MRPS33: variants seen among roughly 807,000 people sequenced by gnomAD.
MRPS33 encodes small ribosomal subunit protein mS33.
Under a neutral mutation model 11.2 loss-of-function variants are expected in MRPS33, and 11 were observed. The observed-to-expected ratio is 0.99, with a 90% CI of 0.62 to 1.63. The LOEUF is 1.63. MRPS33 is among the 40% of genes most tolerant of loss of function. MRPS33 has a pLI of 0.00. For missense variants in MRPS33, 109 were observed against 127.8 expected (o/e 0.85, Z 0.71); for synonymous variants, 46 against 44.0 (o/e 1.05, Z -0.18).
chr7:141,006,368 A>G lies in MRPS33; in HGVS notation c.*62T>C. On this transcript the variant is annotated 3_prime_UTR_variant, in exon 3 of 3. Transcript: ENST00000324787. ...ACATTCCTCCAATAGGTGGAAAGAC[A>G]ATAAATGCACTTTCTTCTCTCCGCC... The G allele has an allele frequency of 1.4e-6, 2 of 1,394,284 alleles. No individual in the cohort carries two copies. Among genetic ancestry groups the G allele is most frequent in the Non-Finnish European group, 2.0e-6 (2 of 992,222 alleles). 86.4% of individuals were successfully genotyped at this position (1,394,284 alleles called of 1,614,324 possible). A position where few individuals can be genotyped will look rare whatever the true frequency, so the allele number is the denominator to read the frequency against.
At chr7:141,010,860 T>C (rs1437029735) in intron 1 of MRPS33, among the ~76,000 whole-genome samples, 200 bp from the exon 2 acceptor site, 1 of 152,240 alleles carries the variant, frequency 6.6e-6, no homozygotes, top group African/African-American at 2.4e-5. Context: ...TTTTTGCACT[T>C]CGTGTTTACA....
At chr7:141,008,243 T>C (rs1416768182) in intron 2 of MRPS33, among the ~76,000 whole-genome samples, 1 of 152,196 alleles carries the variant, frequency 6.6e-6, no homozygotes, top group Non-Finnish European at 1.5e-5. Context: ...CAAAGATAGT[T>C]AAGTCTTTAT....
chr7:141,008,193 T>A (rs2129164544), intron 2 of MRPS33, among the ~76,000 whole-genome samples: 1 of 152,194 alleles, frequency 6.6e-6, no homozygotes, highest in Non-Finnish European at 1.5e-5. Context: ...TACGTGAAAA[T>A]AATCTTGTTT....
At chr7:141,011,719 T>C (rs1470511462) in intron 1 of MRPS33, among the ~76,000 whole-genome samples, 1 of 152,026 alleles carries the variant, frequency 6.6e-6, no homozygotes, top group Admixed American at 6.6e-5. Flanking sequence ...AGGCATAAAC[T>C]TTGAAAAACC....
Position 141,004,160 on chromosome 7 carries a change from C to T in MRPS33, c.*2270G>A, listed in dbSNP as rs38729. 131,682 of 152,166 alleles carry T rather than the reference C, an allele frequency of 0.87. 57,071 individuals are homozygous for T. The highest frequency in any genetic ancestry group is 0.99 in the East Asian group (5,138 of 5,168). The allele number at this position is 152,166 out of a possible 1,614,324, so 9.4% of individuals were successfully genotyped here. A position where few individuals can be genotyped will look rare whatever the true frequency, so the allele number is the denominator to read the frequency against. Reference sequence around the variant, plus strand: ...CTAAAAATACAAAATATTAGCCGGGCGTGGTGGTGGGCGCCTGTAGTCCCA... The same window carrying T: ...CTAAAAATACAAAATATTAGCCGGGTGTGGTGGTGGGCGCCTGTAGTCCCA... On this transcript the variant is annotated 3_prime_UTR_variant, in exon 3 of 3. Transcript: ENST00000324787.
At chr7:141,014,487 C>G (rs1228814755) in intron 1 of MRPS33, 1 of 152,228 alleles carries the variant, frequency 6.6e-6, no homozygotes, top group African/African-American at 2.4e-5. Context: ...GTAGTATTGT[C>G]AAGTCAACCG....
At chr7:141,012,981 C>T (rs572631236) in intron 1 of MRPS33, among the ~76,000 whole-genome samples, 10 of 151,470 alleles carry the variant, frequency 6.6e-5, no homozygotes, top group Admixed American at 2.6e-4. Context: ...CAAAAAAGAA[C>T]GAGCCCAGAT....
chr7:141,011,357 C>T (rs1316486224), intron 1 of MRPS33, among the ~76,000 whole-genome samples: 1 of 152,194 alleles, frequency 6.6e-6, no homozygotes, highest in Non-Finnish European at 1.5e-5. Context: ...TATCCTCCAT[C>T]TTATATATTC....
chr7:141,009,289 G>A (rs555069257), intron 2 of MRPS33, among the ~76,000 whole-genome samples: 243 of 145,918 alleles, frequency 1.7e-3, no homozygotes, highest in African/African-American at 5.5e-3. Context: ...GTGCCACCAC[G>A]CCCAGCTAAT....
At position 141,005,550 on chromosome 7, in the gene MRPS33, C is replaced by A. The variant is rs1203250857; in HGVS notation, c.*880G>T. 2.0e-5 allele frequency: 3 copies of A among 152,146 alleles called. No homozygotes were observed. Among genetic ancestry groups the A allele is most frequent in the Non-Finnish European group, 4.4e-5 (3 of 68,074 alleles). 9.4% of individuals were successfully genotyped at this position (152,146 alleles called of 1,614,324 possible). On this transcript the variant is annotated 3_prime_UTR_variant, in exon 3 of 3. Transcript: ENST00000324787. ...TGCATTTTTAGTAGGTGGGGTTTCACCATGTTGGCCAAAATGGTCTCGATC... is the reference window on the plus strand; with the variant it reads ...TGCATTTTTAGTAGGTGGGGTTTCAACATGTTGGCCAAAATGGTCTCGATC...
chr7:141,014,302 A>C (rs573722791), intron 1 of MRPS33: 1 of 152,318 alleles, frequency 6.6e-6, no homozygotes, highest in African/African-American at 2.4e-5. Context: ...AAACAATCTA[A>C]ACATAAAAAC....
Position 141,010,588 on chromosome 7 carries a change from C to T in MRPS33, c.46G>A (p.Ala16Thr), listed in dbSNP as rs748174580. The T allele has an allele frequency of 2.5e-6, 4 of 1,614,174 alleles. No individual in the cohort carries two copies. The East Asian group carries it at 6.7e-5, about 27-fold the overall frequency. ...CTGGTGACTTCACCAAATAGCCGGG[C>T]ACTGAGACGAGACATGCGGAAGGCA... ...EYAFRMSRLS[A>T]RLFGEVTRPT... Residue 16 changes from alanine to threonine, a missense_variant, in exon 2 of 3, where the codon GCC (alanine) becomes ACC (threonine). Coordinates refer to ENST00000324787, the MANE Select transcript of MRPS33 (RefSeq NM_053035.3).
chr7:141,006,614 C>T, intron 2 of MRPS33, 79 bp from the exon 3 acceptor site: 1 of 1,145,712 alleles, frequency 8.7e-7, no homozygotes, highest in South Asian at 1.3e-5. Context: ...GCACTGCTCT[C>T]TTAGGTCATT....
chr7:141,010,712 T>C (rs1820657017), intron 1 of MRPS33, 52 bp from the exon 2 acceptor site: 2 of 1,337,794 alleles, frequency 1.5e-6, no homozygotes, highest in African/African-American at 2.9e-5. Flanking sequence ...AATTCCAAGA[T>C]TAGCTAATGA....
intron 2 of MRPS33, among the ~76,000 whole-genome samples, chr7:141,007,689 G>A (rs1820567355): frequency 6.6e-6 from 1 of 152,016 alleles, no homozygotes; most frequent in African/African-American, 2.4e-5. Context: ...TTGCCCCTCT[G>A]CCTTGCAAAC....
Position 141,004,154 on chromosome 7 carries a change from G to A in MRPS33, c.*2276C>T, listed in dbSNP as rs915121572. 6 of 152,226 alleles carry A rather than the reference G, an allele frequency of 3.9e-5. No homozygotes were observed. The highest frequency in any genetic ancestry group is 1.3e-4 in the Admixed American group (2 of 15,278). 9.4% of individuals were successfully genotyped at this position (152,226 alleles called of 1,614,324 possible). ...TCTCTACTAAAAATACAAAATATTA[G>A]CCGGGCGTGGTGGTGGGCGCCTGTA... On this transcript the variant is annotated 3_prime_UTR_variant, in exon 3 of 3. Transcript: ENST00000324787.
At chr7:141,012,033 G>A (rs920936409) in intron 1 of MRPS33, among the ~76,000 whole-genome samples, 16 of 151,542 alleles carry the variant, frequency 1.1e-4, no homozygotes, top group Admixed American at 9.9e-4. Flanking sequence ...AGTCTGCTAT[G>A]GTAGTGCACA....
intron 1 of MRPS33, among the ~76,000 whole-genome samples, chr7:141,013,130 G>T (rs1820719780): frequency 6.6e-6 from 1 of 151,926 alleles, no homozygotes; most frequent in South Asian, 2.1e-4. Context: ...TGCCTCCCTG[G>T]AATGATGACC....
chr7:141,010,585 G>C lies in MRPS33; in HGVS notation c.49C>G (p.Arg17Gly). The change falls in exon 2 of 3, where the codon CGG (arginine) becomes GGG (glycine). Residue 17 changes from arginine to glycine, a missense_variant. Physicochemically the swap from Arg to Gly is moderately radical, Grantham distance 125. Coordinates refer to ENST00000324787, the MANE Select transcript of MRPS33 (RefSeq NM_053035.3). ...YAFRMSRLSA[R>G]LFGEVTRPTN... ...GGCCTGGTGACTTCACCAAATAGCC[G>C]GGCACTGAGACGAGACATGCGGAAG... 1.2e-6 allele frequency: 2 copies of C among 1,614,182 alleles called. No homozygotes were observed. The highest frequency in any genetic ancestry group is 1.7e-6 in the Non-Finnish European group (2 of 1,180,038).
Sources: allele counts gnomAD v4.1 joint callset (sites outside exome capture counted in the v4.1 genomes callset), GRCh38; gene constraint gnomAD v4.1.1; transcripts MANE v1.5; gene names NCBI Gene and HGNC (gene_info 2026-07-23, HGNC 2026-07-21).